PBX1: variants seen among roughly 807,000 people sequenced by gnomAD.
PBX1 encodes the protein PBX homeobox 1.
PBX1 carries 6 observed loss-of-function variants against 53.4 expected under a neutral mutation model. The ratio of observed to expected loss-of-function variants is 0.11; its 90% confidence interval spans 0.06 to 0.22. The LOEUF (loss-of-function observed/expected upper bound fraction) is 0.22, where lower values mean the gene tolerates loss of function less well. Among genes scored for constraint, PBX1 ranks in the 10% least tolerant of loss-of-function variants. PBX1 has a pLI of 1.00. For synonymous variants in PBX1, 204 were observed against 212.3 expected (o/e 0.96, Z 0.34); for missense variants, 251 against 551.4 (o/e 0.46, Z 5.46).
At chr1:164,828,677 G>GT (rs141046730) in intron 8 of PBX1, 2,925 of 146,406 alleles carry the variant, frequency 0.02, 85 homozygotes, top group African/African-American at 0.067. Flanking sequence ...AAAGGGATAG[G>GT]TTTTTTTTTT....
intron 2 of PBX1, among the ~76,000 whole-genome samples, chr1:164,732,936 T>G (rs1337772417): frequency 6.6e-6 from 1 of 152,204 alleles, no homozygotes; most frequent in Non-Finnish European, 1.5e-5. Context: ...TGTCTCCATC[T>G]TTGACTGATA....
At chr1:164,611,740 A>C (rs1656948742) in intron 2 of PBX1, among the ~76,000 whole-genome samples, 1 of 152,218 alleles carries the variant, frequency 6.6e-6, no homozygotes, top group Admixed American at 6.5e-5. Context: ...AGAGTAGAGA[A>C]GAGGGTGACA....
rs796790141 is a variant in PBX1 at position 164,618,302 on chromosome 1, G to A, written c.265+54991G>A. ...CCCAGGGAGAATAATCACGGCGGGG[G>A]GGGGGGGGCACTCAAGATGATCAGC... On this transcript the variant is annotated intron_variant, in intron 2 of 8. Coordinates refer to ENST00000420696, the MANE Select transcript of PBX1 (RefSeq NM_002585.4). 2.6e-4 allele frequency among the ~76,000 whole-genome samples: 39 copies of A among 147,946 alleles called. 1 individual carries two copies. The South Asian group carries it at 3.6e-3, about 14-fold the overall frequency.
chr1:164,741,695 G>A (rs1665615503), intron 2 of PBX1, among the ~76,000 whole-genome samples: 1 of 151,728 alleles, frequency 6.6e-6, no homozygotes, highest in Non-Finnish European at 1.5e-5. Context: ...AGACCACTGT[G>A]TGAAACTGGT....
chr1:164,714,805 A>G (rs1000094584), intron 2 of PBX1, among the ~76,000 whole-genome samples: 5 of 152,206 alleles, frequency 3.3e-5, no homozygotes, highest in African/African-American at 1.2e-4. Flanking sequence ...TGTAAAGGGT[A>G]TTAGAACCCA....
At position 164,563,351 on chromosome 1, in the gene PBX1, C is replaced by T. The variant is rs1283422961; in HGVS notation, c.265+40C>T. 4 of 1,313,078 alleles carry T rather than the reference C, an allele frequency of 3.0e-6. No individual in the cohort carries two copies. The African/African-American group carries it at 4.4e-5, about 14-fold the overall frequency. 81.3% of individuals were successfully genotyped at this position (1,313,078 alleles called of 1,614,324 possible). A position where few individuals can be genotyped will look rare whatever the true frequency, so the allele number is the denominator to read the frequency against. ...CCAACATTTTAGCATTTTCTTTGGCCAATTAAATCACTTAACCAGCAGTCA... is the reference window on the plus strand; with the variant it reads ...CCAACATTTTAGCATTTTCTTTGGCTAATTAAATCACTTAACCAGCAGTCA... On this transcript the variant is annotated intron_variant, in intron 2 of 8. Coordinates refer to ENST00000420696, the MANE Select transcript of PBX1 (RefSeq NM_002585.4).
At chr1:164,762,826 T>C (rs1666877992) in intron 2 of PBX1, among the ~76,000 whole-genome samples, 1 of 152,220 alleles carries the variant, frequency 6.6e-6, no homozygotes, top group Admixed American at 6.5e-5. Flanking sequence ...TCTGCTAATA[T>C]CAAATCTTGC....
intron 4 of PBX1, among the ~76,000 whole-genome samples, chr1:164,806,450 A>G (rs534683266): frequency 3.3e-5 from 5 of 152,272 alleles, no homozygotes; most frequent in Non-Finnish European, 5.9e-5. Flanking sequence ...AATTTCAGTC[A>G]GTTCTGTGCC....
intron 2 of PBX1, among the ~76,000 whole-genome samples, chr1:164,575,968 C>A (rs1244710327): frequency 6.6e-6 from 1 of 151,786 alleles, no homozygotes; most frequent in African/African-American, 2.4e-5. Context: ...CAGCTTCATC[C>A]GGAGGCCAAT....
chr1:164,739,252 C>G (rs1665465957), intron 2 of PBX1, among the ~76,000 whole-genome samples: 1 of 152,224 alleles, frequency 6.6e-6, no homozygotes, highest in African/African-American at 2.4e-5. Context: ...TGTTTCTGTT[C>G]ATTTGCCTAA....
chr1:164,663,178 C>G (rs1419324508), intron 2 of PBX1, among the ~76,000 whole-genome samples: 1 of 151,896 alleles, frequency 6.6e-6, no homozygotes, highest in Non-Finnish European at 1.5e-5. Context: ...TCCTTCCTGC[C>G]TTCCTTCCTG....
intron 2 of PBX1, among the ~76,000 whole-genome samples, chr1:164,658,830 C>T (rs534777953): frequency 6.6e-6 from 1 of 152,308 alleles, no homozygotes; most frequent in African/African-American, 2.4e-5. Context: ...TTACCCTGTG[C>T]ACTACAACCT....
At chr1:164,647,877 C>T (rs1024262882) in intron 2 of PBX1, among the ~76,000 whole-genome samples, 38 of 149,622 alleles carry the variant, frequency 2.5e-4, no homozygotes, top group African/African-American at 9.1e-4. Context: ...TGCGGTGGCG[C>T]GATCTCGGCT....
At chr1:164,608,691 T>C (rs1656712816) in intron 2 of PBX1, among the ~76,000 whole-genome samples, 1 of 152,066 alleles carries the variant, frequency 6.6e-6, no homozygotes, top group African/African-American at 2.4e-5. Context: ...CTCTTGAGAG[T>C]ATGGCTCAGA....
chr1:164,862,235 C>G (rs1672117512), intron 2 of PBX1, among the ~76,000 whole-genome samples: 2 of 152,174 alleles, frequency 1.3e-5, no homozygotes, highest in South Asian at 4.1e-4. Flanking sequence ...TTTGCCTTCA[C>G]TAGACCTTCC....
chr1:164,617,209 G>A (rs1390404700), intron 2 of PBX1, among the ~76,000 whole-genome samples: 4 of 152,194 alleles, frequency 2.6e-5, no homozygotes, highest in Non-Finnish European at 5.9e-5. Flanking sequence ...ATGGGACCAA[G>A]GTGACAAGGT....
At chr1:164,656,280 G>A (rs554224376) in intron 2 of PBX1, among the ~76,000 whole-genome samples, 1 of 152,240 alleles carries the variant, frequency 6.6e-6, no homozygotes, top group South Asian at 2.1e-4. Context: ...AAGCACTTCT[G>A]TCCTGATAAA....
At chr1:164,653,327 T>C (rs1028530151) in intron 2 of PBX1, among the ~76,000 whole-genome samples, 1 of 152,024 alleles carries the variant, frequency 6.6e-6, no homozygotes, top group African/African-American at 2.4e-5. Flanking sequence ...TACACCACAA[T>C]TTTTTTATCC....
intron 2 of PBX1, among the ~76,000 whole-genome samples, chr1:164,885,721 G>A (rs773912283): frequency 2.2e-4 from 33 of 151,398 alleles, no homozygotes; most frequent in Admixed American, 7.9e-4. Context: ...TTCTCCTGGG[G>A]ACAGTCTTTC....
Sources: allele counts gnomAD v4.1 joint callset (sites outside exome capture counted in the v4.1 genomes callset), GRCh38; gene constraint gnomAD v4.1.1; transcripts MANE v1.5; gene names NCBI Gene and HGNC (gene_info 2026-07-23, HGNC 2026-07-21).